SUGCT: variants seen among roughly 807,000 people sequenced by gnomAD.
SUGCT encodes the protein succinyl-CoA:glutarate-CoA transferase, also known as succinyl-CoA:glutarate CoA-transferase.
In SUGCT, 41 loss-of-function variants were observed where a neutral mutation model predicts 55.0. That is an observed-to-expected ratio of 0.74 (90% CI 0.58 to 0.97). SUGCT has a LOEUF of 0.97. SUGCT is among the 50% of genes least tolerant of loss of function. The pLI, the probability that SUGCT is intolerant of heterozygous loss-of-function variation, is 0.00. For synonymous variants in SUGCT, 187 were observed against 200.4 expected (o/e 0.93, Z 0.56); for missense variants, 568 against 547.8 (o/e 1.04, Z -0.37).
chr7:40,460,799 T>A (rs548126999), intron 11 of SUGCT, among the ~76,000 whole-genome samples: 23 of 152,334 alleles, frequency 1.5e-4, no homozygotes, highest in African/African-American at 5.5e-4. Context: ...TGTTCTTTTA[T>A]ACACAGAAGT....
the SUGCT span, among the ~76,000 whole-genome samples, chr7:40,979,121 C>T: frequency 0.38 from 57,971 of 151,784 alleles, 11,168 homozygotes; most frequent in South Asian, 0.42. Context: ...TGTGCCTCCA[C>T]AAAATACTGA....
chr7:40,154,054 G>T, intron 1 of SUGCT: 2 of 253,852 alleles, frequency 7.9e-6, no homozygotes, highest in East Asian at 1.0e-4. Context: ...GATACAGTTC[G>T]GGTGAACATT....
At chr7:40,344,921 G>GC (rs1245859754) in intron 9 of SUGCT, among the ~76,000 whole-genome samples, 28 of 152,140 alleles carry the variant, frequency 1.8e-4, no homozygotes, top group Non-Finnish European at 4.1e-4. Flanking sequence ...ACCGTATAAA[G>GC]TGTTTAGCAA....
chr7:40,713,017 A>G (rs1785805593), intron 12 of SUGCT, among the ~76,000 whole-genome samples: 1 of 152,084 alleles, frequency 6.6e-6, no homozygotes, highest in South Asian at 2.1e-4. Context: ...GAAAGCCTCT[A>G]TTTTTTTCCA....
chr7:40,841,283 CAT>C (rs1036321435), intron 13 of SUGCT, among the ~76,000 whole-genome samples: 1 of 152,062 alleles, frequency 6.6e-6, no homozygotes, highest in African/African-American at 2.4e-5. Context: ...ATTTATAAAT[CAT>C]TATCTGAGAC....
intron 13 of SUGCT, among the ~76,000 whole-genome samples, chr7:40,756,797 C>T (rs1286549369): frequency 6.6e-6 from 1 of 152,094 alleles, no homozygotes; most frequent in Non-Finnish European, 1.5e-5. Context: ...TTTCAGATGA[C>T]AACAGGAAAA....
At chr7:40,944,101 T>G in the SUGCT span, among the ~76,000 whole-genome samples, 3 of 152,226 alleles carry the variant, frequency 2.0e-5, no homozygotes, top group African/African-American at 7.2e-5. Context: ...TCTGTTCATA[T>G]CCTTTGTGCA....
At chr7:40,739,048 A>G (rs1429337497) in intron 12 of SUGCT, among the ~76,000 whole-genome samples, 1 of 152,194 alleles carries the variant, frequency 6.6e-6, no homozygotes, top group Non-Finnish European at 1.5e-5. Flanking sequence ...TGAGAGAATT[A>G]TAGATTAACA....
chr7:40,149,659 T>A (rs1010544750), intron 1 of SUGCT, among the ~76,000 whole-genome samples: 2 of 152,180 alleles, frequency 1.3e-5, no homozygotes, highest in African/African-American at 2.4e-5. Context: ...AGCTCACGCC[T>A]GTAATCTCAG....
At chr7:40,489,009 C>T (rs77073483) in intron 11 of SUGCT, among the ~76,000 whole-genome samples, 1 of 152,178 alleles carries the variant, frequency 6.6e-6, no homozygotes, top group Non-Finnish European at 1.5e-5. Context: ...TTATATCTTT[C>T]TCCAGGCTTG....
At chr7:40,615,526 G>A (rs1355425659) in intron 12 of SUGCT, among the ~76,000 whole-genome samples, 1 of 152,190 alleles carries the variant, frequency 6.6e-6, no homozygotes, top group African/African-American at 2.4e-5. Context: ...TGGTGACCTT[G>A]TTAAATACAG....
At chr7:40,421,628 T>C (rs1257084439) in intron 9 of SUGCT, among the ~76,000 whole-genome samples, 1 of 152,224 alleles carries the variant, frequency 6.6e-6, no homozygotes, top group Non-Finnish European at 1.5e-5. Context: ...GCCCCTACTT[T>C]TTGTTAAACA....
intron 13 of SUGCT, among the ~76,000 whole-genome samples, chr7:40,842,016 A>T (rs945296048): frequency 5.3e-5 from 8 of 152,236 alleles, no homozygotes; most frequent in African/African-American, 1.9e-4. Flanking sequence ...AATTCAAAAT[A>T]TACTGGGAAA....
chr7:40,625,227 C>A (rs544636697), intron 12 of SUGCT, among the ~76,000 whole-genome samples: 1 of 152,254 alleles, frequency 6.6e-6, no homozygotes, highest in South Asian at 2.1e-4. Flanking sequence ...GTGCTCCATG[C>A]TGACCTAGAC....
At chr7:40,632,590 G>A (rs1799835767) in intron 12 of SUGCT, among the ~76,000 whole-genome samples, 1 of 149,886 alleles carries the variant, frequency 6.7e-6, no homozygotes, top group Non-Finnish European at 1.5e-5. Flanking sequence ...TGACTTGCTT[G>A]CTGTTCTATG....
downstream of SUGCT, among the ~76,000 whole-genome samples, chr7:40,862,056 CCCGA>C (rs1200337976): frequency 6.6e-6 from 1 of 152,194 alleles, no homozygotes; most frequent in Non-Finnish European, 1.5e-5. Flanking sequence ...GAAAGATAGG[CCCGA>C]CCATTTCTTC....
chr7:40,938,994 TC>T, the SUGCT span, among the ~76,000 whole-genome samples: 2 of 152,210 alleles, frequency 1.3e-5, no homozygotes, highest in Non-Finnish European at 2.9e-5. Context: ...CATGCAGGTG[TC>T]TTTTTAATAT....
chr7:40,195,222 C>CTT (rs11326653), intron 6 of SUGCT, among the ~76,000 whole-genome samples, 162 bp downstream of exon 6: 20 of 101,294 alleles, frequency 2.0e-4, no homozygotes, highest in African/African-American at 2.8e-4. Flanking sequence ...TTTCTTTTTT[C>CTT]TTTTTTTTTT....
intron 6 of SUGCT, among the ~76,000 whole-genome samples, chr7:40,220,984 G>T (rs1308102581): frequency 6.6e-6 from 1 of 152,190 alleles, no homozygotes; most frequent in East Asian, 1.9e-4. Flanking sequence ...GCTTTTTAGA[G>T]TCAGTGTCTT....
Sources: allele counts gnomAD v4.1 joint callset (sites outside exome capture counted in the v4.1 genomes callset), GRCh38; gene constraint gnomAD v4.1.1; transcripts MANE v1.5; gene names NCBI Gene and HGNC (gene_info 2026-07-23, HGNC 2026-07-21).